The following CSMD1 variants were observed in gnomAD, a reference collection of about 807,000 sequenced individuals.
The protein encoded by CSMD1 is CUB and Sushi multiple domains 1.
In CSMD1, 213 loss-of-function variants were observed where a neutral mutation model predicts 417.5. The ratio of observed to expected loss-of-function variants is 0.51; its 90% confidence interval spans 0.46 to 0.57. The LOEUF (loss-of-function observed/expected upper bound fraction) is 0.57, where lower values mean the gene tolerates loss of function less well. CSMD1 is among the 20% of genes least tolerant of loss of function. The pLI, the probability that CSMD1 is intolerant of heterozygous loss-of-function variation, is 0.00. For missense variants in CSMD1, 6,923 were observed against 4,529.7 expected, an observed-to-expected ratio of 1.53 and a Z score of -15.17; for synonymous variants, 2,862 against 1,736.8, an observed-to-expected ratio of 1.65 and a Z score of -16.11.
At chr8:4,797,323 G>T (rs533896256) in intron 1 of CSMD1, among the ~76,000 whole-genome samples, 1 of 152,312 alleles carries the variant, frequency 6.6e-6, no homozygotes, top group Non-Finnish European at 1.5e-5. Context: ...TGTGGCAGCT[G>T]AGAGTGCACC....
intron 2 of CSMD1, among the ~76,000 whole-genome samples, chr8:4,520,238 G>A (rs1393723178): frequency 6.6e-6 from 1 of 151,962 alleles, no homozygotes; most frequent in African/African-American, 2.4e-5. Context: ...TATTTTACCT[G>A]GGCTTTTGGG....
rs112057129 is a variant in CSMD1, at chr8:3,520,955, T to A, written c.1345-27229A>T. 4.2e-3 allele frequency among the ~76,000 whole-genome samples: 641 copies of A among 152,232 alleles called. 2 individuals carry two copies. Among genetic ancestry groups the A allele is most frequent in the African/African-American group, 0.015 (618 of 41,542 alleles). On this transcript the variant is annotated intron_variant, in intron 10 of 69. Transcript: ENST00000635120. ...TTGTTGGTTCCTCCTTTGCTCCCCTTTGTGCTCCGTGGAAAACCATGTGCC... is the reference window on the plus strand; with the variant it reads ...TTGTTGGTTCCTCCTTTGCTCCCCTATGTGCTCCGTGGAAAACCATGTGCC...
intron 3 of CSMD1, among the ~76,000 whole-genome samples, chr8:4,270,957 A>C (rs1038649750): frequency 5.9e-5 from 9 of 152,186 alleles, no homozygotes; most frequent in Admixed American, 1.3e-4. Flanking sequence ...GGAGCACTTT[A>C]AACTGTCACC....
intron 3 of CSMD1, among the ~76,000 whole-genome samples, chr8:4,208,656 T>C (rs1800121194): frequency 6.6e-6 from 1 of 152,096 alleles, no homozygotes; most frequent in Admixed American, 6.6e-5. Flanking sequence ...TAGAATGACA[T>C]AAAACCAATT....
At chr8:3,819,688 G>T (rs759427567) in intron 5 of CSMD1, among the ~76,000 whole-genome samples, 2 of 152,106 alleles carry the variant, frequency 1.3e-5, no homozygotes, top group African/African-American at 2.4e-5. Flanking sequence ...GGGGTCTTAG[G>T]TGATCCTCCA....
intron 7 of CSMD1, among the ~76,000 whole-genome samples, chr8:3,691,918 A>G (rs1244981137): frequency 6.6e-6 from 1 of 152,154 alleles, no homozygotes; most frequent in Non-Finnish European, 1.5e-5. Context: ...TTCACTGTGA[A>G]AACACACTCC....
chr8:3,441,756 G>A (rs1050568239), intron 12 of CSMD1, among the ~76,000 whole-genome samples: 1 of 152,044 alleles, frequency 6.6e-6, no homozygotes, highest in Non-Finnish European at 1.5e-5. Flanking sequence ...GGTAACACTT[G>A]ATAATAATAA....
intron 3 of CSMD1, among the ~76,000 whole-genome samples, chr8:4,383,143 T>C (rs193067178): frequency 6.6e-6 from 1 of 152,282 alleles, no homozygotes; most frequent in East Asian, 1.9e-4. Context: ...AACTTGATGA[T>C]TTGTTTCAAA....
chr8:3,775,707 G>A (rs777058596), intron 5 of CSMD1, among the ~76,000 whole-genome samples: 1 of 152,198 alleles, frequency 6.6e-6, no homozygotes, highest in Non-Finnish European at 1.5e-5. Context: ...GTTCCTAAAT[G>A]ATGCACGCAA....
At chr8:4,315,342 C>T (rs1019697889) in intron 3 of CSMD1, among the ~76,000 whole-genome samples, 2 of 152,150 alleles carry the variant, frequency 1.3e-5, no homozygotes, top group Non-Finnish European at 2.9e-5. Flanking sequence ...TGTTGCTGCA[C>T]TGTGAGCCCC....
intron 3 of CSMD1, among the ~76,000 whole-genome samples, chr8:4,109,880 T>A (rs1433330048): frequency 6.6e-6 from 1 of 152,152 alleles, no homozygotes; most frequent in African/African-American, 2.4e-5. Context: ...ATTGTGCTTT[T>A]TCTCATAATA....
chr8:4,806,239 C>T, intron 1 of CSMD1, among the ~76,000 whole-genome samples: 1 of 152,190 alleles, frequency 6.6e-6, no homozygotes, highest in East Asian at 1.9e-4. Context: ...CTATAGCTTA[C>T]TGAGGATCAT....
chr8:4,181,561 A>T (rs1798378509), intron 3 of CSMD1, among the ~76,000 whole-genome samples: 1 of 152,204 alleles, frequency 6.6e-6, no homozygotes, highest in African/African-American at 2.4e-5. Flanking sequence ...GTTTGGCCAC[A>T]TGCAAAGCCT....
chr8:3,659,196 C>T (rs61152371), intron 7 of CSMD1, among the ~76,000 whole-genome samples: 1,553 of 152,278 alleles, frequency 0.01, 19 homozygotes, highest in African/African-American at 0.035. Flanking sequence ...TTGTATTCTA[C>T]GGCAAGGCAA....
chr8:3,863,826 A>T (rs1186247341), intron 5 of CSMD1, among the ~76,000 whole-genome samples: 1 of 152,212 alleles, frequency 6.6e-6, no homozygotes, highest in Non-Finnish European at 1.5e-5. Flanking sequence ...TGACGAAAAA[A>T]AAAATCAGAA....
intron 1 of CSMD1, among the ~76,000 whole-genome samples, chr8:4,644,553 C>A (rs186438950): frequency 6.6e-6 from 1 of 152,086 alleles, no homozygotes; most frequent in Non-Finnish European, 1.5e-5. Context: ...ATTACAGGCA[C>A]GCGCCACCAC....
chr8:4,621,828 C>T (rs896531297), intron 2 of CSMD1, among the ~76,000 whole-genome samples: 5 of 151,876 alleles, frequency 3.3e-5, no homozygotes, highest in African/African-American at 1.2e-4. Flanking sequence ...TCTAGTGTAC[C>T]TTACGACCAA....
intron 1 of CSMD1, among the ~76,000 whole-genome samples, chr8:4,773,431 C>T (rs907420276): frequency 6.6e-6 from 1 of 152,136 alleles, no homozygotes; most frequent in Non-Finnish European, 1.5e-5. Flanking sequence ...TAACGTATCG[C>T]TGTTTGGGGG....
intron 18 of CSMD1, chr8:3,373,371 G>A (rs1033479578): frequency 6.6e-6 from 1 of 152,220 alleles, no homozygotes. Context: ...GAAAGTTAGA[G>A]ATAAAGCTGC....
Sources: gnomAD v4.1 joint callset for allele counts (sites outside exome capture counted in the v4.1 genomes callset) on GRCh38, gnomAD v4.1.1 for gene constraint, MANE v1.5 for transcripts, NCBI Gene and HGNC (gene_info 2026-07-23, HGNC 2026-07-21) for gene names.